FAM76A: variants seen among roughly 807,000 people sequenced by gnomAD.
FAM76A encodes family with sequence similarity 76 member A.
A neutral mutation model predicts 46.2 loss-of-function variants in FAM76A; 32 were observed. The ratio of observed to expected loss-of-function variants is 0.69; its 90% confidence interval spans 0.52 to 0.93. The LOEUF is 0.93. Ranked by LOEUF, FAM76A falls within the 40% of genes least tolerant of loss-of-function variation. The probability of loss-of-function intolerance (pLI) is 0.00; values close to 1 mark genes in which losing one functional copy is unlikely to be tolerated. For synonymous variants in FAM76A, 137 were observed against 127.0 expected (o/e 1.08, Z -0.53); for missense variants, 274 against 361.5 (o/e 0.76, Z 1.96).
intron 4 of FAM76A, chr1:27,738,950 A>G (rs2088103844): frequency 6.4e-6 from 1 of 156,208 alleles, no homozygotes; most frequent in Non-Finnish European, 1.4e-5. Flanking sequence ...TAAGGCAGGA[A>G]TGAGCTTGGC....
intron 3 of FAM76A, 61 bp from the exon 4 acceptor site, chr1:27,733,970 T>C: frequency 1.3e-6 from 2 of 1,515,560 alleles, no homozygotes; most frequent in Non-Finnish European, 1.8e-6. Context: ...TTATTGCTTT[T>C]TTAAATGCAG....
chr1:27,741,132 C>CAA (rs1331913991), intron 4 of FAM76A, among the ~76,000 whole-genome samples: 2 of 91,412 alleles, frequency 2.2e-5, no homozygotes, highest in Admixed American at 1.2e-4. Flanking sequence ...AACTCCGTCT[C>CAA]AAAAAAAAAA....
intron 6 of FAM76A, among the ~76,000 whole-genome samples, chr1:27,753,951 G>A (rs2088369845): frequency 6.6e-6 from 1 of 152,132 alleles, no homozygotes; most frequent in African/African-American, 2.4e-5. Flanking sequence ...CCTCTTGGCA[G>A]TGATTCCTTA....
chr1:27,748,609 G>A (rs963488776), intron 5 of FAM76A, among the ~76,000 whole-genome samples: 8 of 150,432 alleles, frequency 5.3e-5, no homozygotes, highest in Non-Finnish European at 8.8e-5. Context: ...AGCCTCCTGC[G>A]TAGCTGGGAC....
At chr1:27,732,370 T>C (rs1247714039) in intron 2 of FAM76A, among the ~76,000 whole-genome samples, 1 of 152,084 alleles carries the variant, frequency 6.6e-6, no homozygotes. Flanking sequence ...GCAGAGGTTA[T>C]AGTGAGCAGA....
chr1:27,726,372 C>T (rs2087860857), intron 1 of FAM76A, among the ~76,000 whole-genome samples: 1 of 152,140 alleles, frequency 6.6e-6, no homozygotes. Context: ...TGTCCGGGTG[C>T]TTAGCAACCG....
At chr1:27,738,221 G>A (rs2088089382) in intron 4 of FAM76A, among the ~76,000 whole-genome samples, 1 of 152,038 alleles carries the variant, frequency 6.6e-6, no homozygotes. Context: ...GCCAGGCGTA[G>A]TGGCTCACGC....
chr1:27,737,646 G>A (rs1287865591), intron 4 of FAM76A, among the ~76,000 whole-genome samples: 1 of 151,994 alleles, frequency 6.6e-6, no homozygotes, highest in African/African-American at 2.4e-5. Flanking sequence ...GAGGTCAGGA[G>A]ATTAAGACCA....
intron 4 of FAM76A, among the ~76,000 whole-genome samples, chr1:27,738,923 C>G (rs1014868192): frequency 6.6e-6 from 1 of 152,084 alleles, no homozygotes; most frequent in African/African-American, 2.4e-5. Flanking sequence ...GAAGAAGGAC[C>G]AGCTGTGGAA....
At chr1:27,758,699 T>G (rs934342541) in intron 7 of FAM76A, among the ~76,000 whole-genome samples, 14 of 150,534 alleles carry the variant, frequency 9.3e-5, no homozygotes, top group African/African-American at 3.1e-4. Flanking sequence ...TTTTTTTTTT[T>G]GTAGACATGG....
Position 27,760,877 on chromosome 1 carries a change from C to CTTTTTTTTTTTTTTTTTTTTTTTTTTTTT in FAM76A, c.*319_*320insTTTTTTTTTTTTTTTTTTTTTTTTTTTTT. 9 of 25,132 alleles carry CTTTTTTTTTTTTTTTTTTTTTTTTTTTTT rather than the reference C, an allele frequency of 3.6e-4. No individual in the cohort carries two copies. The highest frequency in any genetic ancestry group is 1.5e-3 in the South Asian group (1 of 680). 1.6% of individuals were successfully genotyped at this position (25,132 alleles called of 1,614,324 possible). On this transcript the variant is annotated 3_prime_UTR_variant, in exon 9 of 9. Transcript: ENST00000373954. Reference sequence around the variant, plus strand: ...GTTCTATTCTTTTTTTTTCTTTTTTCTTTTTTTTTTTTTTTTTTTTTTTGT... The same window carrying CTTTTTTTTTTTTTTTTTTTTTTTTTTTTT: ...GTTCTATTCTTTTTTTTTCTTTTTTCTTTTTTTTTTTTTTTTTTTTTTTTTTTTTTTTTTTTTTTTTTTTTTTTTTTTGT...
At chr1:27,740,338 C>A in intron 4 of FAM76A, 1 of 969,982 alleles carries the variant, frequency 1.0e-6, no homozygotes, top group Non-Finnish European at 1.7e-6. Flanking sequence ...GCACCATGGA[C>A]TAATCAAATA....
At chr1:27,757,755 T>C (rs1290439348) in intron 7 of FAM76A, among the ~76,000 whole-genome samples, 2 of 152,014 alleles carry the variant, frequency 1.3e-5, no homozygotes, top group Non-Finnish European at 2.9e-5. Flanking sequence ...GGCGGGTGGA[T>C]CACGAGGGCA....
chr1:27,760,146 G>A (rs2088481625), intron 8 of FAM76A: 2 of 360,380 alleles, frequency 5.5e-6, no homozygotes, highest in African/African-American at 4.3e-5. Flanking sequence ...GAATTATTAA[G>A]TATGTTCTTT....
At chr1:27,746,552 T>C (rs931761591) in intron 5 of FAM76A, among the ~76,000 whole-genome samples, 2 of 151,898 alleles carry the variant, frequency 1.3e-5, no homozygotes, top group African/African-American at 4.8e-5. Flanking sequence ...GAAACCCTGT[T>C]TCTACTAAAA....
intron 4 of FAM76A, among the ~76,000 whole-genome samples, chr1:27,738,396 A>C (rs1195185998): frequency 6.6e-6 from 1 of 152,018 alleles, no homozygotes; most frequent in Non-Finnish European, 1.5e-5. Context: ...AGACTGAGGC[A>C]GGAGAATAGC....
In FAM76A at chr1:27,762,310, G is replaced by A. The variant is rs1308958894; in HGVS notation, c.*1729G>A. ...TGATGTTTGTGAAAGGAATTAGGGT[G>A]TGTCATGTGTGCCATGAAACAACAA... On this transcript the variant is annotated 3_prime_UTR_variant, in exon 9 of 9. Coordinates refer to ENST00000373954, the MANE Select transcript of FAM76A (RefSeq NM_152660.3). 1 of 152,174 alleles carries A rather than the reference G, an allele frequency of 6.6e-6. No homozygotes were observed. Among genetic ancestry groups the A allele is most frequent in the African/African-American group, 2.4e-5 (1 of 41,440 alleles). The allele number at this position is 152,174 out of a possible 1,614,324, so 9.4% of individuals were successfully genotyped here.
At chr1:27,759,779 G>GTTTTTTTGTTTTTTT in intron 8 of FAM76A, 152 bp downstream of exon 8, 1 of 359,620 alleles carries the variant, frequency 2.8e-6, no homozygotes, top group South Asian at 3.6e-5. Flanking sequence ...TTTTTTTTTT[G>GTTTTTTTGTTTTTTT]TTTTTTTTTT....
intron 8 of FAM76A, 164 bp downstream of exon 8, chr1:27,759,791 A>C: frequency 2.2e-6 from 1 of 452,726 alleles, no homozygotes; most frequent in South Asian, 2.8e-5. Context: ...TTTTTTTTTG[A>C]GACAGGTTCT....
Sources: allele counts gnomAD v4.1 joint callset (sites outside exome capture counted in the v4.1 genomes callset), GRCh38; gene constraint gnomAD v4.1.1; transcripts MANE v1.5; gene names NCBI Gene and HGNC (gene_info 2026-07-23, HGNC 2026-07-21).